DGKG: variants seen among roughly 807,000 people sequenced by gnomAD.
The protein encoded by DGKG is DAG kinase gamma.
A neutral mutation model predicts 105.3 loss-of-function variants in DGKG; 78 were observed. That is an observed-to-expected ratio of 0.74 (90% CI 0.62 to 0.89). The LOEUF is 0.89. Among genes scored for constraint, DGKG ranks in the 40% least tolerant of loss-of-function variants. The pLI is 0.00. For synonymous variants in DGKG, 346 were observed against 367.1 expected, an observed-to-expected ratio of 0.94 and a Z score of 0.66; for missense variants, 958 against 1,020.1, an observed-to-expected ratio of 0.94 and a Z score of 0.83.
At position 186,203,001 on chromosome 3, in the gene DGKG, A is replaced by G. The variant is rs765012212; in HGVS notation, c.1917+8794T>C. Among the ~76,000 whole-genome samples, 12 of 152,244 alleles carry G rather than the reference A, an allele frequency of 7.9e-5. No homozygotes were observed. The highest frequency in any genetic ancestry group is 1.3e-4 in the Non-Finnish European group (9 of 68,042). Reference sequence around the variant, plus strand: ...GAAAAGAACCGGAAAATAAAAGCATATGAATGAATAGAGGCTTGAAGTGAA... The same window carrying G: ...GAAAAGAACCGGAAAATAAAAGCATGTGAATGAATAGAGGCTTGAAGTGAA... On this transcript the variant is annotated intron_variant, in intron 21 of 24. Coordinates refer to ENST00000265022, the MANE Select transcript of DGKG (RefSeq NM_001346.3). The surrounding 1 kb of genome is among the most constrained non-coding windows in gnomAD (Gnocchi z 4.9).
intron 20 of DGKG, among the ~76,000 whole-genome samples, chr3:186,224,801 C>T (rs1719772498): frequency 1.3e-4 from 16 of 126,268 alleles, no homozygotes. Context: ...ATGCTACATA[C>T]TTTAATACAT....
At chr3:186,267,939 T>C (rs991065346) in intron 12 of DGKG, among the ~76,000 whole-genome samples, 162 bp from the exon 13 acceptor site, 2 of 151,988 alleles carry the variant, frequency 1.3e-5, no homozygotes, top group Non-Finnish European at 2.9e-5. Context: ...TGTGCACGTG[T>C]GTGTGTGTGG....
rs554592635 is a variant in DGKG, at chr3:186,243,067, C to T, written c.1762-499G>A. Among the ~76,000 whole-genome samples the T allele has an allele frequency of 2.6e-5, 4 of 152,014 alleles. No individual in the cohort carries two copies. The South Asian group carries it at 8.4e-4, about 32-fold the overall frequency. On this transcript the variant is annotated intron_variant, in intron 19 of 24. Coordinates refer to ENST00000265022, the MANE Select transcript of DGKG (RefSeq NM_001346.3). ...TCCTAGGTCCCGTTCACTCAGCTTC[C>T]CCCAATGATAACATTTTATATAACT... is the stretch of plus-strand genomic sequence containing the variant.
At position 186,320,583 on chromosome 3, in the gene DGKG, T is replaced by C; in HGVS notation, c.-124A>G. 5.8e-6 allele frequency: 9 copies of C among 1,541,484 alleles called. No homozygotes were observed. The highest frequency in any genetic ancestry group is 6.1e-6 in the Non-Finnish European group (7 of 1,139,376). ...CGATGTAAGCCTTTCAGGAGACTTC[T>C]GGGAGCACTCAAGTGTATACAGCAG... On this transcript the variant is annotated 5_prime_UTR_variant, in exon 2 of 25. Coordinates refer to ENST00000265022, the MANE Select transcript of DGKG (RefSeq NM_001346.3).
At position 186,313,335 on chromosome 3, in the gene DGKG, T is replaced by C. The variant is rs150188839; in HGVS notation, c.68-6358A>G. On this transcript the variant is annotated intron_variant, in intron 2 of 24. Coordinates refer to ENST00000265022, the MANE Select transcript of DGKG (RefSeq NM_001346.3). ...ACATATGAAATAATAAGAAAAGACTTTATATAGAAGCAGAGGAAATTGGGG... is the reference window on the plus strand; with the variant it reads ...ACATATGAAATAATAAGAAAAGACTCTATATAGAAGCAGAGGAAATTGGGG... 420 of 178,980 alleles carry C rather than the reference T, an allele frequency of 2.3e-3. 1 individual carries two copies. Among genetic ancestry groups the C allele is most frequent in the African/African-American group, 9.4e-3 (395 of 41,982 alleles). 11.1% of individuals were successfully genotyped at this position (178,980 alleles called of 1,614,324 possible).
intron 20 of DGKG, among the ~76,000 whole-genome samples, chr3:186,239,200 T>C (rs1395376857): frequency 6.6e-6 from 1 of 152,192 alleles, no homozygotes; most frequent in African/African-American, 2.4e-5. Context: ...TCTCCCTTGC[T>C]GAAAACAAAA....
chr3:186,310,188 A>G (rs374785025), intron 2 of DGKG, among the ~76,000 whole-genome samples: 29 of 140,140 alleles, frequency 2.1e-4, no homozygotes, highest in African/African-American at 6.8e-4. Flanking sequence ...AATCACTTGA[A>G]CCCAGGAGGC....
chr3:186,299,767 C>CTTTCTT (rs1291713917), intron 3 of DGKG, among the ~76,000 whole-genome samples: 5 of 95,472 alleles, frequency 5.2e-5, no homozygotes, highest in African/African-American at 1.6e-4. Flanking sequence ...TTCTTCTTTT[C>CTTTCTT]TCTTTCTTTC....
At chr3:186,315,168 G>T (rs1724757550) in intron 2 of DGKG, among the ~76,000 whole-genome samples, 1 of 152,174 alleles carries the variant, frequency 6.6e-6, no homozygotes, top group African/African-American at 2.4e-5. Flanking sequence ...TGCCCAGACA[G>T]TTCCAGGGAA....
Position 186,149,172 on chromosome 3 carries a change from CA to C in DGKG, c.*917del, listed in dbSNP as rs1715639806. 1.0e-6 allele frequency: 1 copy of C among 984,798 alleles called. No homozygotes were observed. The highest frequency in any genetic ancestry group is 4.7e-5 in the South Asian group (1 of 21,274). The allele number at this position is 984,798 out of a possible 1,614,324, so 61.0% of individuals were successfully genotyped here. On this transcript the variant is annotated 3_prime_UTR_variant, in exon 25 of 25. Coordinates refer to ENST00000265022, the MANE Select transcript of DGKG (RefSeq NM_001346.3). ...TTTTCTGCCTTCAGGAATAGTCTGC[CA>C]CCAGGGCTTGGAACTCAAACAGGAA...
At chr3:186,238,292 T>TAAAAA (rs5855085) in intron 20 of DGKG, among the ~76,000 whole-genome samples, 11 of 81,260 alleles carry the variant, frequency 1.4e-4, no homozygotes, top group African/African-American at 5.3e-4. Context: ...TGACTCTTTC[T>TAAAAA]AAAAAAAAAA....
At chr3:186,196,797 C>T (rs1479512303) in intron 21 of DGKG, among the ~76,000 whole-genome samples, 1 of 152,164 alleles carries the variant, frequency 6.6e-6, no homozygotes, top group Non-Finnish European at 1.5e-5. Flanking sequence ...TCCTAGATGA[C>T]ACAGCTCTCT....
intron 19 of DGKG, among the ~76,000 whole-genome samples, chr3:186,244,833 G>A (rs753093103): frequency 2.0e-5 from 3 of 152,140 alleles, no homozygotes; most frequent in Admixed American, 6.5e-5. Flanking sequence ...AGCCTGCACC[G>A]CTTCCCTGGG....
chr3:186,197,862 G>C lies in DGKG; in HGVS notation c.1918-9483C>G, dbSNP rs566334056. Among the ~76,000 whole-genome samples, 4 of 152,308 alleles carry C rather than the reference G, an allele frequency of 2.6e-5. No individual in the cohort carries two copies. In the South Asian group the frequency reaches 8.3e-4, roughly 32 times the overall value. On this transcript the variant is annotated intron_variant, in intron 21 of 24. Transcript: ENST00000265022. ...GTTAACATACCCTTCCAGCTCAAAA[G>C]CTTTCTCCTCTATGAGGCTTTCCTC... is the stretch of plus-strand genomic sequence containing the variant.
chr3:186,148,157 C>T lies in DGKG; in HGVS notation c.*1933G>A. On this transcript the variant is annotated 3_prime_UTR_variant, in exon 25 of 25. Transcript: ENST00000265022. ...AGAGGGATGGAGGCCCAATGAAGCTCTGCATGGCCTTGCCCTTGGGAAAGG... is the reference window on the plus strand; with the variant it reads ...AGAGGGATGGAGGCCCAATGAAGCTTTGCATGGCCTTGCCCTTGGGAAAGG... 1.0e-6 allele frequency: 1 copy of T among 985,510 alleles called. No homozygotes were observed. Among genetic ancestry groups the T allele is most frequent in the Non-Finnish European group, 1.2e-6 (1 of 829,992 alleles). The allele number at this position is 985,510 out of a possible 1,614,324, so 61.0% of individuals were successfully genotyped here.
At chr3:186,249,580 G>A (rs761373229) in intron 19 of DGKG, among the ~76,000 whole-genome samples, 8 of 152,150 alleles carry the variant, frequency 5.3e-5, no homozygotes, top group East Asian at 1.9e-4. Context: ...GGTGGCTCAC[G>A]CCGGTAATCC....
intron 4 of DGKG, 94 bp downstream of exon 4, chr3:186,297,970 A>C: frequency 7.1e-7 from 1 of 1,415,188 alleles, no homozygotes; most frequent in South Asian, 1.4e-5. Flanking sequence ...GGCAGTTACT[A>C]TGTTCAGGGG....
chr3:186,212,432 G>A (rs937872208), intron 20 of DGKG, among the ~76,000 whole-genome samples: 10 of 152,184 alleles, frequency 6.6e-5, no homozygotes, highest in Non-Finnish European at 1.2e-4. Flanking sequence ...ATTAGATACA[G>A]ACTTGCAGGC....
chr3:186,283,547 T>C (rs1187385244), intron 7 of DGKG, among the ~76,000 whole-genome samples: 1 of 152,160 alleles, frequency 6.6e-6, no homozygotes. Flanking sequence ...TTTCCTTTAT[T>C]TTTCTTCTCA....
Sources: allele counts gnomAD v4.1 joint callset (sites outside exome capture counted in the v4.1 genomes callset), GRCh38; gene constraint gnomAD v4.1.1; non-coding constraint Gnocchi (gnomAD v3.1); transcripts MANE v1.5; gene names NCBI Gene and HGNC (gene_info 2026-07-23, HGNC 2026-07-21).